MGAT4C: variants seen among roughly 807,000 people sequenced by gnomAD.
MGAT4C encodes the protein MGAT4 family member C.
MGAT4C carries 19 observed loss-of-function variants against 40.1 expected under a neutral mutation model. The observed-to-expected ratio is 0.47, with a 90% CI of 0.33 to 0.70. The LOEUF (loss-of-function observed/expected upper bound fraction) is 0.70, where lower values mean the gene tolerates loss of function less well. Ranked by LOEUF, MGAT4C falls within the 30% of genes least tolerant of loss-of-function variation. MGAT4C has a pLI of 0.02. For missense variants in MGAT4C, 491 were observed against 563.2 expected (o/e 0.87, Z 1.30); for synonymous variants, 181 against 187.1 (o/e 0.97, Z 0.27).
At chr12:86,433,134 T>C (rs1313235734) in intron 3 of MGAT4C, among the ~76,000 whole-genome samples, 1 of 151,958 alleles carries the variant, frequency 6.6e-6, no homozygotes. Flanking sequence ...GCCAAACTCA[T>C]CAGGGGGGCA....
At chr12:86,035,699 T>C (rs7315378) in intron 2 of MGAT4C, among the ~76,000 whole-genome samples, 6,290 of 150,002 alleles carry the variant, frequency 0.042, 496 homozygotes, top group Middle Eastern at 0.076. Flanking sequence ...CTAGGGTTTT[T>C]ATTGTTTTAA....
Position 86,251,630 on chromosome 12 carries a change from C to T in MGAT4C, c.-57+4609G>A, listed in dbSNP as rs1451837354. Among the ~76,000 whole-genome samples the T allele has an allele frequency of 7.2e-5, 11 of 152,086 alleles. 1 individual carries two copies. In the South Asian group the frequency reaches 1.9e-3, roughly 26 times the overall value. ...TCACAGCAAATTGTGTCATTTTCTT[C>T]CCCATATTATTGGTTTCACTCAGCT... On this transcript the variant is annotated intron_variant, in intron 1 of 4. Transcript: ENST00000611864.
intron 2 of MGAT4C, among the ~76,000 whole-genome samples, chr12:86,628,654 T>C (rs1404704317): frequency 1.3e-5 from 2 of 152,172 alleles, no homozygotes; most frequent in East Asian, 3.9e-4. Context: ...CTAAGCTTCA[T>C]AAGTGAAGGA....
chr12:86,200,127 G>GTTTTTTTTT (rs56844963), intron 1 of MGAT4C, among the ~76,000 whole-genome samples: 68 of 102,302 alleles, frequency 6.6e-4, no homozygotes, highest in African/African-American at 1.4e-3. Context: ...GTATGTATTT[G>GTTTTTTTTT]TTTTTTTTTT....
chr12:86,572,111 A>G (rs550183185), intron 2 of MGAT4C, among the ~76,000 whole-genome samples: 1 of 152,314 alleles, frequency 6.6e-6, no homozygotes, highest in South Asian at 2.1e-4. Flanking sequence ...CATATTGCTC[A>G]CATGAAAATG....
chr12:86,205,950 CAA>C (rs58201797), intron 1 of MGAT4C, among the ~76,000 whole-genome samples: 8 of 149,196 alleles, frequency 5.4e-5, no homozygotes, highest in Middle Eastern at 3.5e-3. Flanking sequence ...ATGCTTCCAC[CAA>C]AAAAAAAAAA....
At chr12:86,161,519 C>T (rs991120361) in intron 1 of MGAT4C, among the ~76,000 whole-genome samples, 4 of 151,912 alleles carry the variant, frequency 2.6e-5, no homozygotes, top group African/African-American at 7.2e-5. Flanking sequence ...AATGGATTAA[C>T]GATTTAAATG....
At chr12:86,569,435 A>C (rs1960273308) in intron 2 of MGAT4C, among the ~76,000 whole-genome samples, 1 of 152,124 alleles carries the variant, frequency 6.6e-6, no homozygotes, top group South Asian at 2.1e-4. Context: ...GTTTGACATC[A>C]CTTATCATCA....
At chr12:86,690,760 G>A (rs1051990404) in intron 2 of MGAT4C, among the ~76,000 whole-genome samples, 5 of 152,036 alleles carry the variant, frequency 3.3e-5, no homozygotes, top group Non-Finnish European at 7.4e-5. Flanking sequence ...ATCTTGCCCT[G>A]GAAAGACCAA....
At chr12:85,987,433 G>A (rs1453754604) in intron 3 of MGAT4C, among the ~76,000 whole-genome samples, 4 of 151,970 alleles carry the variant, frequency 2.6e-5, no homozygotes, top group African/African-American at 7.2e-5. Flanking sequence ...CACCGCGCCC[G>A]GCCAATAATA....
chr12:86,346,349 C>T (rs139647816), intron 3 of MGAT4C, among the ~76,000 whole-genome samples: 2 of 152,218 alleles, frequency 1.3e-5, no homozygotes, highest in East Asian at 3.9e-4. Flanking sequence ...ATCAGTCTCC[C>T]AAGTAGCTGG....
At chr12:86,379,556 T>C (rs867719364) in intron 3 of MGAT4C, among the ~76,000 whole-genome samples, 11 of 152,080 alleles carry the variant, frequency 7.2e-5, no homozygotes, top group South Asian at 2.1e-4. Flanking sequence ...TTCATGATTA[T>C]ATATCTACTG....
At chr12:86,809,538 T>A (rs1213934077) in intron 1 of MGAT4C, among the ~76,000 whole-genome samples, 1 of 151,530 alleles carries the variant, frequency 6.6e-6, no homozygotes, top group Non-Finnish European at 1.5e-5. Flanking sequence ...CATCTTCCCC[T>A]GCATTTGGTA....
chr12:86,695,287 T>C (rs547831476), intron 2 of MGAT4C, among the ~76,000 whole-genome samples: 8 of 152,142 alleles, frequency 5.3e-5, no homozygotes, highest in South Asian at 2.1e-4. Context: ...GTCGAGGAAA[T>C]AGATAAAAAG....
chr12:86,248,731 T>C (rs1018044885), intron 1 of MGAT4C, among the ~76,000 whole-genome samples: 5 of 152,126 alleles, frequency 3.3e-5, no homozygotes, highest in Admixed American at 2.0e-4. Flanking sequence ...AGAATGCCTA[T>C]AACATTGTAG....
Position 85,991,319 on chromosome 12 carries a change from A to G in MGAT4C, c.-6-1767T>C, listed in dbSNP as rs568136392. 3.3e-5 allele frequency among the ~76,000 whole-genome samples: 5 copies of G among 152,238 alleles called. No homozygotes were observed. The South Asian group carries it at 6.2e-4, about 19-fold the overall frequency. ...CTTTTATGGGCCTCAGAGAGGAGGA[A>G]GCGCATGCCAACTGATCCATGGACA... is the stretch of plus-strand genomic sequence containing the variant. On this transcript the variant is annotated intron_variant, in intron 2 of 4. Transcript: ENST00000611864.
chr12:86,518,335 T>C (rs1592944241), intron 2 of MGAT4C, among the ~76,000 whole-genome samples: 1 of 152,196 alleles, frequency 6.6e-6, no homozygotes, highest in East Asian at 1.9e-4. Context: ...AATATACATA[T>C]ATAACTTGAA....
intron 1 of MGAT4C, among the ~76,000 whole-genome samples, chr12:86,206,326 G>C (rs1216933476): frequency 1.3e-5 from 2 of 152,148 alleles, no homozygotes; most frequent in African/African-American, 4.8e-5. Context: ...ATAAAATTGT[G>C]CTTGGATTAT....
intron 2 of MGAT4C, among the ~76,000 whole-genome samples, chr12:86,678,874 G>A (rs1949921612): frequency 6.6e-6 from 1 of 152,040 alleles, no homozygotes; most frequent in Non-Finnish European, 1.5e-5. Context: ...ATTGTTAATA[G>A]TGCTGCAGTA....
Sources: gnomAD v4.1 joint callset for allele counts (sites outside exome capture counted in the v4.1 genomes callset) on GRCh38, gnomAD v4.1.1 for gene constraint, MANE v1.5 for transcripts, NCBI Gene and HGNC (gene_info 2026-07-23, HGNC 2026-07-21) for gene names.